Variants in ZC3H12A observed in about 807,000 individuals in gnomAD.
The protein encoded by ZC3H12A is zinc finger CCCH-type containing 12A.
Under a neutral mutation model 29.9 loss-of-function variants are expected in ZC3H12A, and 9 were observed. That is an observed-to-expected ratio of 0.30 (90% CI 0.18 to 0.53). The LOEUF is 0.53. Ranked by LOEUF, ZC3H12A falls within the 20% of genes least tolerant of loss-of-function variation. ZC3H12A has a pLI of 0.96. For missense variants in ZC3H12A, 617 were observed against 799.0 expected (o/e 0.77, Z 2.75); for synonymous variants, 323 against 338.1 (o/e 0.96, Z 0.49).
chr1:37,479,327 C>G lies in ZC3H12A; in HGVS notation c.444-963C>G. 6.1e-6 allele frequency: 6 copies of G among 985,444 alleles called. No individual in the cohort carries two copies. Among genetic ancestry groups the G allele is most frequent in the Non-Finnish European group, 7.2e-6 (6 of 829,940 alleles). 61.0% of individuals were successfully genotyped at this position (985,444 alleles called of 1,614,324 possible). A position where few individuals can be genotyped will look rare whatever the true frequency, so the allele number is the denominator to read the frequency against. ...GCCACCAGGAAAGCTGTCCCACTGA[C>G]TGACCCCTCTTAAGGAAGCTGCAGA... On this transcript the variant is annotated intron_variant, in intron 2 of 5. Coordinates refer to ENST00000373087, the MANE Select transcript of ZC3H12A (RefSeq NM_025079.3). The surrounding 1 kb of genome is among the most constrained non-coding windows in gnomAD (Gnocchi z 4.5).
In ZC3H12A at chr1:37,479,690, T is replaced by C; in HGVS notation, c.444-600T>C. On this transcript the variant is annotated intron_variant, in intron 2 of 5. Transcript: ENST00000373087. The surrounding 1 kb of genome is among the most constrained non-coding windows in gnomAD (Gnocchi z 4.5). Reference sequence around the variant, plus strand: ...CTGGAGTCGCCAGCCCCTTCCCCTTTGCCTTTCTCAGGCCCCAGTCCCTGA... The same window carrying C: ...CTGGAGTCGCCAGCCCCTTCCCCTTCGCCTTTCTCAGGCCCCAGTCCCTGA... 1 of 985,418 alleles carries C rather than the reference T, an allele frequency of 1.0e-6. No homozygotes were observed. Among genetic ancestry groups the C allele is most frequent in the African/African-American group, 1.7e-5 (1 of 57,360 alleles). The allele number at this position is 985,418 out of a possible 1,614,324, so 61.0% of individuals were successfully genotyped here. A position where few individuals can be genotyped will look rare whatever the true frequency, so the allele number is the denominator to read the frequency against.
At chr1:37,481,493 C>CT in intron 3 of ZC3H12A, 108 bp from the exon 4 acceptor site, 10 of 1,076,248 alleles carry the variant, frequency 9.3e-6, no homozygotes, top group Non-Finnish European at 1.4e-5. Flanking sequence ...CCCCGGTGAC[C>CT]TTGGCGTTAA....
chr1:37,482,225 A>G (rs1318740059), intron 4 of ZC3H12A: 4 of 598,736 alleles, frequency 6.7e-6, no homozygotes, highest in Non-Finnish European at 1.2e-5. Flanking sequence ...AAAGGTGCCC[A>G]TGGGCTGTGG....
chr1:37,476,078 G>T lies in ZC3H12A; in HGVS notation c.443+139G>T. On this transcript the variant is annotated intron_variant, in intron 2 of 5. Transcript: ENST00000373087. This position sits in a 1 kb window ranked among gnomAD's most constrained non-coding sequence, Gnocchi z 6.0. Reference sequence around the variant, plus strand: ...TTCTTAGGGACTGGTCTAGAGGGAGGGAAAGCCTTTTATGAGGCTAGGGTC... The same window carrying T: ...TTCTTAGGGACTGGTCTAGAGGGAGTGAAAGCCTTTTATGAGGCTAGGGTC... 2.1e-6 allele frequency: 2 copies of T among 965,850 alleles called. No homozygotes were observed. Among genetic ancestry groups the T allele is most frequent in the Admixed American group, 3.3e-5 (1 of 30,460 alleles). 59.8% of individuals were successfully genotyped at this position (965,850 alleles called of 1,614,324 possible). A position where few individuals can be genotyped will look rare whatever the true frequency, so the allele number is the denominator to read the frequency against.
In ZC3H12A at chr1:37,480,447, A is replaced by T; in HGVS notation, c.583+18A>T. 6.2e-7 allele frequency: 1 copy of T among 1,606,450 alleles called. No homozygotes were observed. Among genetic ancestry groups the T allele is most frequent in the Non-Finnish European group, 8.5e-7 (1 of 1,175,238 alleles). ...CATCACAGGTGAGTGGTGCCTCTGG[A>T]GGTGGGATGGTCTTACTGCCCCAGC... On this transcript the variant is annotated intron_variant, in intron 3 of 5. Transcript: ENST00000373087.
Position 37,479,996 on chromosome 1 carries a change from AC to A in ZC3H12A, c.444-293del, listed in dbSNP as rs1374667696. On this transcript the variant is annotated intron_variant, in intron 2 of 5. Transcript: ENST00000373087. The surrounding 1 kb of genome is among the most constrained non-coding windows in gnomAD (Gnocchi z 4.5). Reference sequence around the variant, plus strand: ...CTGCCAGCTTCCTGGGCGCTTCCTCACTTTCAGGAGATGGAGCCTCAGGGAA... The same window carrying A: ...CTGCCAGCTTCCTGGGCGCTTCCTCATTTCAGGAGATGGAGCCTCAGGGAA... 2.7e-6 allele frequency: 3 copies of A among 1,128,360 alleles called. No individual in the cohort carries two copies. The highest frequency in any genetic ancestry group is 3.3e-6 in the Non-Finnish European group (3 of 919,046). The allele number at this position is 1,128,360 out of a possible 1,614,324, so 69.9% of individuals were successfully genotyped here. A position where few individuals can be genotyped will look rare whatever the true frequency, so the allele number is the denominator to read the frequency against.
Position 37,483,876 on chromosome 1 carries a change from C to G in ZC3H12A, c.*265C>G, listed in dbSNP as rs1000380123. On this transcript the variant is annotated 3_prime_UTR_variant, in exon 6 of 6. Transcript: ENST00000373087. ...TGTATCTCTGTAGTTTAAGGAGACG[C>G]TGCCGGTAACGGCGTCGGTCCGTGG... The G allele has an allele frequency of 4.4e-5, 20 of 452,010 alleles. 1 individual carries two copies. The East Asian group carries it at 6.9e-4, about 15-fold the overall frequency. 28.0% of individuals were successfully genotyped at this position (452,010 alleles called of 1,614,324 possible). A position where few individuals can be genotyped will look rare whatever the true frequency, so the allele number is the denominator to read the frequency against.
At position 37,475,472 on chromosome 1, in the gene ZC3H12A, G is replaced by T; in HGVS notation, c.-25G>T. 3 of 1,575,038 alleles carry T rather than the reference G, an allele frequency of 1.9e-6. No homozygotes were observed. Among genetic ancestry groups the T allele is most frequent in the Non-Finnish European group, 2.6e-6 (3 of 1,159,280 alleles). ...TTGGTTGTTCAGTAGGAGCTGTGGC[G>T]CGGGGCCTTCCAGGAGTCTGAGCTA... On this transcript the variant is annotated 5_prime_UTR_variant, in exon 2 of 6. Coordinates refer to ENST00000373087, the MANE Select transcript of ZC3H12A (RefSeq NM_025079.3). The surrounding 1 kb of genome is among the most constrained non-coding windows in gnomAD (Gnocchi z 5.2).
chr1:37,482,877 C>T lies in ZC3H12A; in HGVS notation c.1066C>T (p.Arg356Trp), dbSNP rs373138865. ...PRAPSKDKNG[R>W]RPSPSSQSSS... ...AGCCCCAAGCAAGGACAAAAATGGC[C>T]GGCGGCCTTCACCTTCATCCCAGTC... The change falls in exon 6 of 6, where the codon CGG becomes TGG. Residue 356 changes from arginine to tryptophan, a missense_variant. Physicochemically the swap from Arg to Trp is moderately radical, Grantham distance 101 (BLOSUM62 -3). Around this residue, in one of 5 missense-constraint regions of ZC3H12A, gnomAD observed 115 missense variants for 112.5 expected, o/e 1.02. Transcript: ENST00000373087. The T allele has an allele frequency of 1.4e-5, 22 of 1,613,800 alleles. No homozygotes were observed. Among genetic ancestry groups the T allele is most frequent in the African/African-American group, 1.1e-4 (8 of 74,936 alleles).
At position 37,483,657 on chromosome 1, in the gene ZC3H12A, G is replaced by A. The variant is rs201836892; in HGVS notation, c.*46G>A. The A allele has an allele frequency of 2.1e-4, 321 of 1,519,966 alleles. 1 individual carries two copies. In the African/African-American group the frequency reaches 2.7e-3, roughly 13 times the overall value. 94.2% of individuals were successfully genotyped at this position (1,519,966 alleles called of 1,614,324 possible). ...GCAGCACCCCCAGCCTCCAAGGGCC[G>A]TCAGGCTGGGCTTTGGGCCATTGAG... On this transcript the variant is annotated 3_prime_UTR_variant, in exon 6 of 6. Transcript: ENST00000373087.
At position 37,475,917 on chromosome 1, in the gene ZC3H12A, G is replaced by C; in HGVS notation, c.421G>C (p.Asp141His). The change falls in exon 2 of 6, where the codon GAT becomes CAT. Residue 141 changes from aspartate to histidine, a missense_variant. Transcript: ENST00000373087. This position sits in a 1 kb window ranked among gnomAD's most constrained non-coding sequence, Gnocchi z 5.2. ...CAGCGACCTGAGACCAGTGGTCATC[G>C]ATGGGAGCAACGTGGCCATGAGGTA... ...EGSDLRPVVI[D>H]GSNVAMSHGN... 1 of 1,515,404 alleles carries C rather than the reference G, an allele frequency of 6.6e-7. No homozygotes were observed. Among genetic ancestry groups the C allele is most frequent in the Non-Finnish European group, 8.8e-7 (1 of 1,137,484 alleles). The allele number at this position is 1,515,404 out of a possible 1,614,324, so 93.9% of individuals were successfully genotyped here. A position where few individuals can be genotyped will look rare whatever the true frequency, so the allele number is the denominator to read the frequency against.
Position 37,479,909 on chromosome 1 carries a change from CT to C in ZC3H12A, c.444-378del. ...GCAGGAACCAGAAGTCTCGCGGCAC[CT>C]TTCCCCCACCCCCAGGTGTGTTGCA... On this transcript the variant is annotated intron_variant, in intron 2 of 5. Transcript: ENST00000373087. This position sits in a 1 kb window ranked among gnomAD's most constrained non-coding sequence, Gnocchi z 4.5. The C allele has an allele frequency of 9.8e-7, 1 of 1,016,778 alleles. No individual in the cohort carries two copies. Among genetic ancestry groups the C allele is most frequent in the Non-Finnish European group, 1.2e-6 (1 of 848,964 alleles). The allele number at this position is 1,016,778 out of a possible 1,614,324, so 63.0% of individuals were successfully genotyped here.
chr1:37,477,473 C>G (rs1052268929), intron 2 of ZC3H12A, among the ~76,000 whole-genome samples: 1 of 152,164 alleles, frequency 6.6e-6, no homozygotes, highest in African/African-American at 2.4e-5. Context: ...TACTCGGTTC[C>G]TGCCCGGCCA....
Position 37,483,699 on chromosome 1 carries a change from C to T in ZC3H12A, c.*88C>T. ...GCCATTGAGCAGCCCATTCCCAGCCCTGAGGCCCACCCCAGAGGCTGGACA... is the reference window on the plus strand; with the variant it reads ...GCCATTGAGCAGCCCATTCCCAGCCTTGAGGCCCACCCCAGAGGCTGGACA... On this transcript the variant is annotated 3_prime_UTR_variant, in exon 6 of 6. Coordinates refer to ENST00000373087, the MANE Select transcript of ZC3H12A (RefSeq NM_025079.3). 1 of 1,431,766 alleles carries T rather than the reference C, an allele frequency of 7.0e-7. No individual in the cohort carries two copies. Among genetic ancestry groups the T allele is most frequent in the Non-Finnish European group, 9.2e-7 (1 of 1,083,596 alleles). 88.7% of individuals were successfully genotyped at this position (1,431,766 alleles called of 1,614,324 possible).
Position 37,483,698 on chromosome 1 carries a change from C to A in ZC3H12A, c.*87C>A. Reference sequence around the variant, plus strand: ...GGCCATTGAGCAGCCCATTCCCAGCCCTGAGGCCCACCCCAGAGGCTGGAC... The same window carrying A: ...GGCCATTGAGCAGCCCATTCCCAGCACTGAGGCCCACCCCAGAGGCTGGAC... On this transcript the variant is annotated 3_prime_UTR_variant, in exon 6 of 6. Coordinates refer to ENST00000373087, the MANE Select transcript of ZC3H12A (RefSeq NM_025079.3). 1 of 1,437,540 alleles carries A rather than the reference C, an allele frequency of 7.0e-7. No homozygotes were observed. Among genetic ancestry groups the A allele is most frequent in the Non-Finnish European group, 9.2e-7 (1 of 1,088,578 alleles). The allele number at this position is 1,437,540 out of a possible 1,614,324, so 89.0% of individuals were successfully genotyped here. A position where few individuals can be genotyped will look rare whatever the true frequency, so the allele number is the denominator to read the frequency against.
chr1:37,481,449 G>C, intron 3 of ZC3H12A, 152 bp from the exon 4 acceptor site: 1 of 686,298 alleles, frequency 1.5e-6, no homozygotes, highest in Non-Finnish European at 2.5e-6. Flanking sequence ...GAGGGGCTGG[G>C]GCATGGAAGA....
chr1:37,481,375 C>T (rs374208012), intron 3 of ZC3H12A, among the ~76,000 whole-genome samples: 16 of 152,254 alleles, frequency 1.1e-4, no homozygotes, highest in African/African-American at 2.9e-4. Flanking sequence ...CTCTGCCATG[C>T]AGGCCCTGCC....
Position 37,482,939 on chromosome 1 carries a change from G to A in ZC3H12A, c.1128G>A (p.Leu376=). The A allele has an allele frequency of 6.2e-7, 1 of 1,613,484 alleles. No homozygotes were observed. The highest frequency in any genetic ancestry group is 8.5e-7 in the Non-Finnish European group (1 of 1,179,948). Residue 376 remains leucine (L), a synonymous_variant, in exon 6 of 6, where the codon CTG becomes CTA. Coordinates refer to ENST00000373087, the MANE Select transcript of ZC3H12A (RefSeq NM_025079.3). ...TAACAGAGAGTGAGCAGTGCAGCCT[G>A]GATGGGAAGAAGCTGGGGGCCCAGG... ...SLLTESEQCS[L]DGKKLGAQAS... is the part of the protein sequence containing the mutation.
At position 37,475,897 on chromosome 1, in the gene ZC3H12A, A is replaced by T; in HGVS notation, c.401A>T (p.Asp134Val). 1 of 1,532,774 alleles carries T rather than the reference A, an allele frequency of 6.5e-7. No individual in the cohort carries two copies. The highest frequency in any genetic ancestry group is 8.7e-7 in the Non-Finnish European group (1 of 1,143,476). 94.9% of individuals were successfully genotyped at this position (1,532,774 alleles called of 1,614,324 possible). ...PLPEEEKEGS[D>V]LRPVVIDGSN... Reference sequence around the variant, plus strand: ...CCAGAAGAGGAAAAGGAGGGCAGCGACCTGAGACCAGTGGTCATCGATGGG... The same window carrying T: ...CCAGAAGAGGAAAAGGAGGGCAGCGTCCTGAGACCAGTGGTCATCGATGGG... Residue 134 changes from aspartate (D) to valine (V), a missense_variant, in exon 2 of 6, where the codon GAC (aspartate) becomes GTC (valine). Coordinates refer to ENST00000373087, the MANE Select transcript of ZC3H12A (RefSeq NM_025079.3). This position sits in a 1 kb window ranked among gnomAD's most constrained non-coding sequence, Gnocchi z 5.2.
Sources: allele counts gnomAD v4.1 joint callset (sites outside exome capture counted in the v4.1 genomes callset), GRCh38; gene constraint gnomAD v4.1.1; regional missense constraint gnomAD v4.1.1; non-coding constraint Gnocchi (gnomAD v3.1); transcripts MANE v1.5; gene names NCBI Gene and HGNC (gene_info 2026-07-23, HGNC 2026-07-21).